The following RAD51AP1 variants were observed in gnomAD, a reference collection of about 807,000 sequenced individuals.
The protein encoded by RAD51AP1 is RAD51-associated protein 1.
RAD51AP1 carries 14 observed loss-of-function variants against 34.3 expected under a neutral mutation model. That is an observed-to-expected ratio of 0.41 (90% CI 0.27 to 0.64). RAD51AP1 has a LOEUF of 0.64. Ranked by LOEUF, RAD51AP1 falls within the 30% of genes least tolerant of loss-of-function variation. The pLI is 0.33. For synonymous variants in RAD51AP1, 114 were observed against 129.8 expected (o/e 0.88, Z 0.83); for missense variants, 348 against 386.9 (o/e 0.90, Z 0.84).
chr12:4,546,580 G>C (rs990477351), intron 4 of RAD51AP1, among the ~76,000 whole-genome samples, 162 bp downstream of exon 4: 6 of 152,176 alleles, frequency 3.9e-5, no homozygotes, highest in African/African-American at 1.4e-4. Context: ...TCTTAATTCA[G>C]CTGCCTAAAT....
intron 1 of RAD51AP1, among the ~76,000 whole-genome samples, chr12:4,540,833 C>G (rs1229934208): frequency 6.6e-6 from 1 of 152,078 alleles, no homozygotes; most frequent in South Asian, 2.1e-4. Flanking sequence ...TATACTGATG[C>G]GTGATAGTTA....
At position 4,548,084 on chromosome 12, in the gene RAD51AP1, A is replaced by T. The variant is rs377008453; in HGVS notation, c.320-8A>T. On this transcript the variant is annotated splice_polypyrimidine_tract_variant and splice_region_variant and intron_variant, in intron 4 of 8. Transcript: ENST00000352618. ...ATCTGAATTTTCTTTCTTATTCCTT[A>T]TATTTAGGCATTGAAAAACATGGCA... is the stretch of plus-strand genomic sequence containing the variant. 6 of 1,585,432 alleles carry T rather than the reference A, an allele frequency of 3.8e-6. No individual in the cohort carries two copies. The highest frequency in any genetic ancestry group is 8.5e-7 in the Non-Finnish European group (1 of 1,172,516).
chr12:4,552,877 A>G, intron 6 of RAD51AP1, 106 bp from the exon 7 acceptor site: 1 of 1,027,646 alleles, frequency 9.7e-7, no homozygotes, highest in Non-Finnish European at 1.3e-6. Flanking sequence ...TACTGGAAAC[A>G]GTGCAGCACA....
chr12:4,557,880 A>G (rs1306528290), intron 8 of RAD51AP1, among the ~76,000 whole-genome samples: 2 of 152,162 alleles, frequency 1.3e-5, no homozygotes, highest in African/African-American at 4.8e-5. Context: ...TCCATGCAAG[A>G]TTATGGGCTT....
chr12:4,545,916 A>G (rs569569376), intron 3 of RAD51AP1: 2 of 1,496,064 alleles, frequency 1.3e-6, no homozygotes, highest in Non-Finnish European at 1.8e-6. Flanking sequence ...ATTTAATGTA[A>G]GAGCTATAAA....
Position 4,543,899 on chromosome 12 carries a change from A to G in RAD51AP1, c.204A>G (p.Lys68=). ...TCCCAGTACAAGAGAAAACCCCTAA[A>G]AAAAGGTGAGAGGTAAGACATGCAG... ...EEIPVQEKTP[K]KRMALDDKLY... Residue 68 remains lysine (K), a synonymous_variant, in exon 3 of 9, where the codon AAA becomes AAG. Transcript: ENST00000352618. 1 of 1,607,336 alleles carries G rather than the reference A, an allele frequency of 6.2e-7. No homozygotes were observed.
At chr12:4,553,203 C>T (rs1009552649) in intron 7 of RAD51AP1, 56 bp downstream of exon 7, 14 of 1,362,332 alleles carry the variant, frequency 1.0e-5, no homozygotes, top group Non-Finnish European at 1.4e-5. Flanking sequence ...GGTTTGTTTG[C>T]CGTATTTTTC....
chr12:4,541,977 A>C, intron 2 of RAD51AP1, 44 bp downstream of exon 2: 2 of 1,302,892 alleles, frequency 1.5e-6, no homozygotes, highest in Non-Finnish European at 1.0e-6. Context: ...TTGGAAACTC[A>C]TTTCCTCGGA....
Position 4,541,952 on chromosome 12 carries a change from T to C in RAD51AP1, c.67+19T>C. The C allele has an allele frequency of 6.7e-7, 1 of 1,484,788 alleles. No homozygotes were observed. The highest frequency in any genetic ancestry group is 1.4e-5 in the South Asian group (1 of 70,318). 92.0% of individuals were successfully genotyped at this position (1,484,788 alleles called of 1,614,324 possible). A position where few individuals can be genotyped will look rare whatever the true frequency, so the allele number is the denominator to read the frequency against. On this transcript the variant is annotated intron_variant, in intron 2 of 8. Transcript: ENST00000352618. ...AGTGATGGTAAGTAAAGCTTCTTATTTTTGTTCTAAAGATTTGGAAACTCA... is the reference window on the plus strand; with the variant it reads ...AGTGATGGTAAGTAAAGCTTCTTATCTTTGTTCTAAAGATTTGGAAACTCA...
chr12:4,556,302 T>TA (rs779624785), intron 7 of RAD51AP1, 51 bp from the exon 8 acceptor site: 1 of 1,369,674 alleles, frequency 7.3e-7, no homozygotes, highest in Non-Finnish European at 1.0e-6. Context: ...ATGCTAGACT[T>TA]ACTTTTTCTT....
chr12:4,558,332 TAC>T (rs1485664197), intron 8 of RAD51AP1, among the ~76,000 whole-genome samples: 8 of 152,190 alleles, frequency 5.3e-5, no homozygotes, highest in Non-Finnish European at 5.9e-5. Flanking sequence ...GGCGAGCAAC[TAC>T]AGTCACCATC....
intron 7 of RAD51AP1, among the ~76,000 whole-genome samples, chr12:4,553,607 T>A (rs893992346): frequency 6.6e-6 from 1 of 151,886 alleles, no homozygotes; most frequent in Non-Finnish European, 1.5e-5. Context: ...TTAGTCTGAT[T>A]TGAGAGCTCT....
chr12:4,549,396 A>C (rs7955370), intron 6 of RAD51AP1, among the ~76,000 whole-genome samples: 18,940 of 152,268 alleles, frequency 0.12, 1,382 homozygotes, highest in African/African-American at 0.2. Flanking sequence ...TAAATTCATA[A>C]ATTCATAAAT....
In RAD51AP1 at chr12:4,554,880, T is replaced by C. The variant is rs200229517; in HGVS notation, c.722-1473T>C. ...CTAGCCATGTGTGGCTATATTACATTTGAATTAATTAAAATTAAGTAAAAT... is the reference window on the plus strand; with the variant it reads ...CTAGCCATGTGTGGCTATATTACATCTGAATTAATTAAAATTAAGTAAAAT... On this transcript the variant is annotated intron_variant, in intron 7 of 8. Coordinates refer to ENST00000352618, the MANE Select transcript of RAD51AP1 (RefSeq NM_006479.5). 8.5e-5 allele frequency among the ~76,000 whole-genome samples: 13 copies of C among 152,342 alleles called. No homozygotes were observed. In the East Asian group the frequency reaches 2.5e-3, roughly 29 times the overall value.
chr12:4,549,385 TTAAATTCA>T (rs1175706278), intron 6 of RAD51AP1, among the ~76,000 whole-genome samples: 36 of 152,198 alleles, frequency 2.4e-4, no homozygotes, highest in Non-Finnish European at 5.9e-5. Context: ...AATTAAAAAT[TTAAATTCA>T]TAAATTCATA....
chr12:4,544,721 C>G (rs11611116), intron 3 of RAD51AP1, among the ~76,000 whole-genome samples: 93 of 152,176 alleles, frequency 6.1e-4, no homozygotes, highest in Non-Finnish European at 1.1e-3. Flanking sequence ...ATACACAGAA[C>G]TCGTAAAACT....
At chr12:4,551,769 A>T (rs1194776749) in intron 6 of RAD51AP1, among the ~76,000 whole-genome samples, 1 of 152,200 alleles carries the variant, frequency 6.6e-6, no homozygotes, top group East Asian at 1.9e-4. Context: ...ATACATTCTG[A>T]AGTATGTAGG....
Position 4,546,388 on chromosome 12 carries a change from A to G in RAD51AP1, c.289A>G (p.Thr97Ala), listed in dbSNP as rs748785348. 4 of 1,612,276 alleles carry G rather than the reference A, an allele frequency of 2.5e-6. No individual in the cohort carries two copies. The East Asian group carries it at 8.9e-5, about 36-fold the overall frequency. Reference sequence around the variant, plus strand: ...ATCAGTGAAGGAACTTCCAACAGTCACCACTAATGTGCAGAACTCTCAAGA... The same window carrying G: ...ATCAGTGAAGGAACTTCCAACAGTCGCCACTAATGTGCAGAACTCTCAAGA... ...ALSVKELPTVTTNVQNSQDKS... is the reference protein window; with the variant it reads ...ALSVKELPTVATNVQNSQDKS... Residue 97 changes from threonine (T) to alanine (A), a missense_variant, in exon 4 of 9, where the codon ACC (threonine) becomes GCC (alanine). Physicochemically the swap from Thr to Ala is moderately conservative, Grantham distance 58 (BLOSUM62 0). Coordinates refer to ENST00000352618, the MANE Select transcript of RAD51AP1 (RefSeq NM_006479.5).
At position 4,546,350 on chromosome 12, in the gene RAD51AP1, T is replaced by C; in HGVS notation, c.251T>C (p.Val84Ala). The C allele has an allele frequency of 6.2e-7, 1 of 1,612,952 alleles. No individual in the cohort carries two copies. Reference protein sequence around the residue: ...DDKLYQRDLEVALALSVKELP... With the variant: ...DDKLYQRDLEAALALSVKELP... ...AAGCTCTACCAGAGAGACTTAGAAG[T>C]TGCACTAGCTTTATCAGTGAAGGAA... Residue 84 changes from valine to alanine, a missense_variant, in exon 4 of 9, where the codon GTT becomes GCT. Val to Ala is a moderately conservative substitution (Grantham distance 64). Coordinates refer to ENST00000352618, the MANE Select transcript of RAD51AP1 (RefSeq NM_006479.5).
Sources: gnomAD v4.1 joint callset for allele counts (sites outside exome capture counted in the v4.1 genomes callset) on GRCh38, gnomAD v4.1.1 for gene constraint, MANE v1.5 for transcripts, NCBI Gene and HGNC (gene_info 2026-07-23, HGNC 2026-07-21) for gene names.